The following GSDME variants were observed in gnomAD, a reference collection of about 807,000 sequenced individuals.
The protein encoded by GSDME is gasdermin-E.
Under a neutral mutation model 47.5 loss-of-function variants are expected in GSDME, and 44 were observed. The ratio of observed to expected loss-of-function variants is 0.93; its 90% CI spans 0.73 to 1.19. GSDME has a LOEUF of 1.19. Among genes scored for constraint, GSDME ranks in the 50% most tolerant of loss-of-function variants. The probability of loss-of-function intolerance (pLI) is 0.00; values close to 1 mark genes in which losing one functional copy is unlikely to be tolerated. For missense variants in GSDME, 663 were observed against 604.2 expected, an observed-to-expected ratio of 1.10 and a Z score of -1.02; for synonymous variants, 258 against 252.8, an observed-to-expected ratio of 1.02 and a Z score of -0.20.
the GSDME span, among the ~76,000 whole-genome samples, chr7:24,793,985 C>A: frequency 6.6e-6 from 1 of 152,228 alleles, no homozygotes; most frequent in Non-Finnish European, 1.5e-5. Context: ...GGTCTCAGTG[C>A]TTTCGGGCTA....
At chr7:24,709,882 G>A (rs17149945) in intron 6 of GSDME, among the ~76,000 whole-genome samples, 1,601 of 151,936 alleles carry the variant, frequency 0.011, 27 homozygotes, top group African/African-American at 0.036. Context: ...CCATCCTCGC[G>A]GCTGATGAGC....
At position 24,699,225 on chromosome 7, in the gene GSDME, A is replaced by G. The variant is rs770774669; in HGVS notation, c.1292T>C (p.Leu431Pro). The G allele has an allele frequency of 8.7e-6, 14 of 1,614,154 alleles. No homozygotes were observed. The Admixed American group carries it at 1.5e-4, about 17-fold the overall frequency. The change falls in exon 10 of 10, where the codon CTT (leucine) becomes CCT (proline). Residue 431 changes from leucine (L) to proline (P), a missense_variant. Coordinates refer to ENST00000645220, the MANE Select transcript of GSDME (RefSeq NM_001127453.2). ...CAGGGGAGTCAAGGTTGGGTCTTCAAGATCAGATACTCCATCATCAGACAG... is the reference window on the plus strand; with the variant it reads ...CAGGGGAGTCAAGGTTGGGTCTTCAGGATCAGATACTCCATCATCAGACAG... ...RALSDDGVSD[L>P]EDPTLTPLKD...
At chr7:24,702,693 G>A (rs554027956) in intron 9 of GSDME, 67 bp downstream of exon 9, 92 of 1,352,246 alleles carry the variant, frequency 6.8e-5, no homozygotes, top group Non-Finnish European at 9.6e-5. Context: ...CCGGCTGCTG[G>A]ATGTCTACCC....
chr7:24,706,332 C>A lies in GSDME; in HGVS notation c.1035G>T (p.Leu345=), dbSNP rs752571953. The A allele has an allele frequency of 3.7e-6, 6 of 1,613,174 alleles. No homozygotes were observed. Among genetic ancestry groups the A allele is most frequent in the East Asian group, 2.2e-5 (1 of 44,860 alleles). The change falls in exon 8 of 10, where the codon CTG becomes CTT. Residue 345 remains leucine, a synonymous_variant. Coordinates refer to ENST00000645220, the MANE Select transcript of GSDME (RefSeq NM_001127453.2). The part of the protein sequence containing the change: ...VSGLSPTVAV[L]GELKPRQQQD... ...GCTGCTGCCGGGGCTTCAGCTCCCC[C>A]AGCACCGCCACTGTGGGCGAGAGGC... is the stretch of plus-strand genomic sequence containing the variant.
intron 9 of GSDME, among the ~76,000 whole-genome samples, chr7:24,699,940 A>T (rs1158829417): frequency 6.6e-6 from 1 of 152,160 alleles, no homozygotes; most frequent in Non-Finnish European, 1.5e-5. Flanking sequence ...AGTTTAGTTT[A>T]ATTATCCTTC....
chr7:24,761,891 T>C (rs1233400954), upstream of GSDME, among the ~76,000 whole-genome samples: 2 of 152,224 alleles, frequency 1.3e-5, no homozygotes, highest in East Asian at 1.9e-4. This position sits in a 1 kb window ranked among gnomAD's most constrained non-coding sequence, Gnocchi z 4.4. Context: ...ATATTCTACC[T>C]CTCAATGGGA....
chr7:24,787,737 C>G, the GSDME span, among the ~76,000 whole-genome samples: 8 of 151,950 alleles, frequency 5.3e-5, no homozygotes, highest in Non-Finnish European at 1.2e-4. This position sits in a 1 kb window ranked among gnomAD's most constrained non-coding sequence, Gnocchi z 5.0. Flanking sequence ...GACAGAGTCT[C>G]GCTCTGTCGC....
At chr7:24,793,248 C>A in the GSDME span, among the ~76,000 whole-genome samples, 1 of 152,144 alleles carries the variant, frequency 6.6e-6, no homozygotes, top group African/African-American at 2.4e-5. Context: ...CTCTCTTCAA[C>A]CTTTTATAAT....
chr7:24,707,682 A>G, intron 7 of GSDME: 1 of 300,390 alleles, frequency 3.3e-6, no homozygotes, highest in Non-Finnish European at 5.6e-6. Flanking sequence ...GTAAAGGAGA[A>G]GACACACACA....
At chr7:24,794,238 C>T in the GSDME span, among the ~76,000 whole-genome samples, 1 of 151,910 alleles carries the variant, frequency 6.6e-6, no homozygotes, top group African/African-American at 2.4e-5. Context: ...TCCTGTCTCT[C>T]TTGCTTTCTC....
Position 24,698,872 on chromosome 7 carries a change from T to A in GSDME, c.*154A>T. 1 of 697,760 alleles carries A rather than the reference T, an allele frequency of 1.4e-6. No individual in the cohort carries two copies. Among genetic ancestry groups the A allele is most frequent in the African/African-American group, 1.7e-5 (1 of 57,170 alleles). 43.2% of individuals were successfully genotyped at this position (697,760 alleles called of 1,614,324 possible). On this transcript the variant is annotated 3_prime_UTR_variant, in exon 10 of 10. Transcript: ENST00000645220. The stretch of plus-strand genomic sequence containing the variant: ...AACTGTTTAAAGAGTACCTGGTGGC[T>A]AAAAGTCAGGTCATTCATCATGCAA...
upstream of GSDME, among the ~76,000 whole-genome samples, chr7:24,758,540 T>C (rs541839051): frequency 6.6e-6 from 1 of 152,096 alleles, no homozygotes; most frequent in Non-Finnish European, 1.5e-5. The surrounding 1 kb of genome is among the most constrained non-coding windows in gnomAD (Gnocchi z 4.6). Context: ...TAAGAGAAAA[T>C]GAAATTTCTG....
rs146267085 is a variant in GSDME at position 24,700,261 on chromosome 7, C to T, written c.1258-1002G>A. ...CACAGACACTCAATGTGTTCTTCAC[C>T]GAGGTCACTTTGGATGCTGCTCTAA... On this transcript the variant is annotated intron_variant, in intron 9 of 9. Coordinates refer to ENST00000645220, the MANE Select transcript of GSDME (RefSeq NM_001127453.2). Among the ~76,000 whole-genome samples, 11 of 152,232 alleles carry T rather than the reference C, an allele frequency of 7.2e-5. No individual in the cohort carries two copies. In the East Asian group the frequency reaches 1.5e-3, roughly 21 times the overall value.
At position 24,728,682 on chromosome 7, in the gene GSDME, T is replaced by C. The variant is rs1444055781; in HGVS notation, c.405-9464A>G. On this transcript the variant is annotated intron_variant, in intron 3 of 9. Transcript: ENST00000645220. The surrounding 1 kb of genome is among the most constrained non-coding windows in gnomAD (Gnocchi z 7.2). Reference sequence around the variant, plus strand: ...TCCCAGAGTCAGGAAGTGGATCCTCTTGGAAACGAAAGCAGCCGCCCACTG... The same window carrying C: ...TCCCAGAGTCAGGAAGTGGATCCTCCTGGAAACGAAAGCAGCCGCCCACTG... Among the ~76,000 whole-genome samples, 1 of 152,176 alleles carries C rather than the reference T, an allele frequency of 6.6e-6. No individual in the cohort carries two copies. Among genetic ancestry groups the C allele is most frequent in the East Asian group, 1.9e-4 (1 of 5,200 alleles).
chr7:24,758,557 G>A (rs1312735709), upstream of GSDME, among the ~76,000 whole-genome samples: 1 of 152,194 alleles, frequency 6.6e-6, no homozygotes. The surrounding 1 kb of genome is among the most constrained non-coding windows in gnomAD (Gnocchi z 4.6). Flanking sequence ...TCTGCCCTGC[G>A]AGAGCTCACA....
chr7:24,716,878 A>T lies in GSDME; in HGVS notation c.697+376T>A. 1 of 318,280 alleles carries T rather than the reference A, an allele frequency of 3.1e-6. No individual in the cohort carries two copies. Among genetic ancestry groups the T allele is most frequent in the Admixed American group, 4.2e-5 (1 of 23,892 alleles). The allele number at this position is 318,280 out of a possible 1,614,324, so 19.7% of individuals were successfully genotyped here. A position where few individuals can be genotyped will look rare whatever the true frequency, so the allele number is the denominator to read the frequency against. On this transcript the variant is annotated intron_variant, in intron 5 of 9. Transcript: ENST00000645220. This position sits in a 1 kb window ranked among gnomAD's most constrained non-coding sequence, Gnocchi z 4.5. The stretch of plus-strand genomic sequence containing the variant: ...TCCAGAGACAGGGAAGCCAAGACTC[A>T]GCAAGATTCAGCAACTTGCCTGAGA...
chr7:24,783,514 A>G, the GSDME span, among the ~76,000 whole-genome samples: 1 of 152,328 alleles, frequency 6.6e-6, no homozygotes, highest in East Asian at 1.9e-4. Flanking sequence ...GATTTCTCTC[A>G]TTCAAAGGCC....
rs1194886609 is a variant in GSDME at position 24,725,323 on chromosome 7, A to G, written c.405-6105T>C. On this transcript the variant is annotated intron_variant, in intron 3 of 9. Transcript: ENST00000645220. The surrounding 1 kb of genome is among the most constrained non-coding windows in gnomAD (Gnocchi z 5.1). The stretch of plus-strand genomic sequence containing the variant: ...GCTCTGTAAATGTTTTTTTCCTTCC[A>G]CTATTGGCAGGGAAGGCAAGTCAAG... Among the ~76,000 whole-genome samples the G allele has an allele frequency of 6.6e-6, 1 of 151,914 alleles. No homozygotes were observed. The highest frequency in any genetic ancestry group is 2.4e-5 in the African/African-American group (1 of 41,328).
At chr7:24,780,214 A>C in the GSDME span, among the ~76,000 whole-genome samples, 3 of 152,354 alleles carry the variant, frequency 2.0e-5, no homozygotes, top group East Asian at 5.8e-4. The surrounding 1 kb of genome is among the most constrained non-coding windows in gnomAD (Gnocchi z 4.1). Flanking sequence ...GCCAGGACCT[A>C]GAGTTACATA....
Sources: allele counts gnomAD v4.1 joint callset (sites outside exome capture counted in the v4.1 genomes callset), GRCh38; gene constraint gnomAD v4.1.1; non-coding constraint Gnocchi (gnomAD v3.1); transcripts MANE v1.5; gene names NCBI Gene and HGNC (gene_info 2026-07-23, HGNC 2026-07-21).